The following KCNH7 variants were observed in gnomAD, a reference collection of about 807,000 sequenced individuals.
KCNH7 encodes the protein voltage-gated inwardly rectifying potassium channel KCNH7.
Under a neutral mutation model 120.8 loss-of-function variants are expected in KCNH7, and 49 were observed. The observed-to-expected ratio is 0.41, with a 90% CI of 0.32 to 0.51. The LOEUF is 0.51. KCNH7 is among the 20% of genes least tolerant of loss of function. The pLI is 0.38. For missense variants in KCNH7, 1,097 were observed against 1,446.6 expected, an observed-to-expected ratio of 0.76 and a Z score of 3.92; for synonymous variants, 547 against 516.1, an observed-to-expected ratio of 1.06 and a Z score of -0.81.
At chr2:162,434,049 TA>T (rs1688158552) in intron 8 of KCNH7, among the ~76,000 whole-genome samples, 2 of 151,688 alleles carry the variant, frequency 1.3e-5, no homozygotes, top group South Asian at 4.2e-4. Flanking sequence ...TATGCAGCCA[TA>T]AAAAAGAAAA....
At chr2:162,590,818 C>T (rs1267920532) in intron 2 of KCNH7, among the ~76,000 whole-genome samples, 3 of 152,048 alleles carry the variant, frequency 2.0e-5, no homozygotes, top group African/African-American at 7.2e-5. Context: ...AACCTATTTC[C>T]ACGCACATCT....
chr2:162,573,046 A>G (rs1693545594), intron 2 of KCNH7, among the ~76,000 whole-genome samples: 1 of 152,072 alleles, frequency 6.6e-6, no homozygotes, highest in Admixed American at 6.6e-5. Context: ...TTAAAGTATA[A>G]TAATAACACA....
intron 2 of KCNH7, among the ~76,000 whole-genome samples, chr2:162,723,847 G>A (rs1687418492): frequency 6.6e-6 from 1 of 152,028 alleles, no homozygotes. Flanking sequence ...CTTACTTTTG[G>A]GGCCAGAACT....
chr2:162,651,792 A>G (rs1684575023), intron 2 of KCNH7, among the ~76,000 whole-genome samples: 1 of 152,104 alleles, frequency 6.6e-6, no homozygotes, highest in African/African-American at 2.4e-5. Flanking sequence ...GCTTTCTACA[A>G]TGGTTGAGTT....
chr2:162,732,691 G>A (rs1687772600), intron 2 of KCNH7, among the ~76,000 whole-genome samples: 3 of 152,268 alleles, frequency 2.0e-5, no homozygotes, highest in Non-Finnish European at 4.4e-5. Context: ...GTTAATATCT[G>A]TCTCAAAGGA....
chr2:162,562,940 A>G (rs1184723308), intron 2 of KCNH7, among the ~76,000 whole-genome samples: 2 of 152,196 alleles, frequency 1.3e-5, no homozygotes, highest in African/African-American at 4.8e-5. Context: ...GCTCTGATGG[A>G]GAACCTATCA....
chr2:162,611,075 C>A (rs1362750427), intron 2 of KCNH7, among the ~76,000 whole-genome samples: 1 of 152,148 alleles, frequency 6.6e-6, no homozygotes, highest in Non-Finnish European at 1.5e-5. Flanking sequence ...TCAGGCAGTT[C>A]TCAGGCATGT....
At chr2:162,534,628 C>T in intron 3 of KCNH7, among the ~76,000 whole-genome samples, 1 of 151,474 alleles carries the variant, frequency 6.6e-6, no homozygotes, top group East Asian at 1.9e-4. Flanking sequence ...CAAACAATTA[C>T]CACAAATAAG....
At chr2:162,555,156 T>C (rs958018724) in intron 2 of KCNH7, among the ~76,000 whole-genome samples, 78 of 152,348 alleles carry the variant, frequency 5.1e-4, no homozygotes, top group African/African-American at 1.8e-3. Flanking sequence ...TTCAGATTTG[T>C]CTTTTCATAG....
chr2:162,714,419 G>A (rs1303574594), intron 2 of KCNH7, among the ~76,000 whole-genome samples: 1 of 152,170 alleles, frequency 6.6e-6, no homozygotes, highest in East Asian at 1.9e-4. Flanking sequence ...AATAAGGTAT[G>A]TATTAAGCTG....
chr2:162,617,205 C>A (rs920584779), intron 2 of KCNH7, among the ~76,000 whole-genome samples: 1 of 152,084 alleles, frequency 6.6e-6, no homozygotes, highest in Non-Finnish European at 1.5e-5. Context: ...GCAGGCTGGG[C>A]GTGGTGGCTC....
intron 2 of KCNH7, among the ~76,000 whole-genome samples, chr2:162,801,427 T>G (rs1559140524): frequency 1.3e-5 from 2 of 151,858 alleles, no homozygotes; most frequent in Non-Finnish European, 2.9e-5. Flanking sequence ...AATTTCTTTT[T>G]TCTCAAATTC....
intron 2 of KCNH7, among the ~76,000 whole-genome samples, chr2:162,694,492 G>GTC (rs1686221187): frequency 6.6e-6 from 1 of 151,912 alleles, no homozygotes; most frequent in Non-Finnish European, 1.5e-5. Context: ...GTGTGTGTGT[G>GTC]TGTGTGTGTG....
At chr2:162,639,982 T>A (rs991445274) in intron 2 of KCNH7, among the ~76,000 whole-genome samples, 23 of 152,086 alleles carry the variant, frequency 1.5e-4, no homozygotes, top group Non-Finnish European at 3.1e-4. Context: ...TACTTAGGTG[T>A]CAATCTAACA....
intron 2 of KCNH7, among the ~76,000 whole-genome samples, chr2:162,589,576 T>A (rs1694134618): frequency 6.6e-6 from 1 of 152,046 alleles, no homozygotes; most frequent in African/African-American, 2.4e-5. Flanking sequence ...TGGATAAATA[T>A]CTCAAGCATA....
rs1265683049 is a variant in KCNH7, at chr2:162,838,294, G to A, written c.76+149C>T. 8.0e-6 allele frequency: 5 copies of A among 627,588 alleles called. No individual in the cohort carries two copies. The Admixed American group carries it at 8.2e-5, about 10-fold the overall frequency. 38.9% of individuals were successfully genotyped at this position (627,588 alleles called of 1,614,324 possible). A position where few individuals can be genotyped will look rare whatever the true frequency, so the allele number is the denominator to read the frequency against. ...AAATTAATATCAGAAGAACACTCCCGCTGCCATTCGAACCTCCTGGCTCGG... is the reference window on the plus strand; with the variant it reads ...AAATTAATATCAGAAGAACACTCCCACTGCCATTCGAACCTCCTGGCTCGG... On this transcript the variant is annotated intron_variant, in intron 1 of 15. Coordinates refer to ENST00000332142, the MANE Select transcript of KCNH7 (RefSeq NM_033272.4).
chr2:162,528,563 G>A (rs1015100308), intron 3 of KCNH7, among the ~76,000 whole-genome samples: 19 of 152,022 alleles, frequency 1.2e-4, no homozygotes, highest in Admixed American at 9.2e-4. Flanking sequence ...CAAGGAACCC[G>A]CACTAAAATA....
At chr2:162,557,520 G>T (rs1692899808) in intron 2 of KCNH7, among the ~76,000 whole-genome samples, 1 of 152,142 alleles carries the variant, frequency 6.6e-6, no homozygotes, top group African/African-American at 2.4e-5. Context: ...GATGGGAGAT[G>T]GTGGGAGATA....
chr2:162,663,864 A>C (rs1047337293), intron 2 of KCNH7, among the ~76,000 whole-genome samples: 2 of 152,194 alleles, frequency 1.3e-5, no homozygotes, highest in Non-Finnish European at 2.9e-5. Flanking sequence ...GAAGCGATTT[A>C]AAATATAATA....
Sources: allele counts gnomAD v4.1 joint callset (sites outside exome capture counted in the v4.1 genomes callset), GRCh38; gene constraint gnomAD v4.1.1; transcripts MANE v1.5; gene names NCBI Gene and HGNC (gene_info 2026-07-23, HGNC 2026-07-21).